Variants in FOCAD observed in about 807,000 individuals in gnomAD.
The protein encoded by FOCAD is KIAA1797.
In FOCAD, 198 loss-of-function variants were observed where a neutral mutation model predicts 225.6. The observed-to-expected ratio is 0.88, with a 90% CI of 0.78 to 0.99. The LOEUF is 0.99. FOCAD is among the 50% of genes least tolerant of loss of function. The pLI is 0.00. For missense variants in FOCAD, 2,713 were observed against 2,123.6 expected (o/e 1.28, Z -5.46); for synonymous variants, 897 against 755.0 (o/e 1.19, Z -3.08).
chr9:20,690,031 A>C (rs963223008), intron 1 of FOCAD, among the ~76,000 whole-genome samples: 22 of 152,126 alleles, frequency 1.4e-4, no homozygotes, highest in Non-Finnish European at 1.5e-5. Context: ...ATTCTTATCT[A>C]TTGGTAGGAT....
At chr9:20,695,093 C>A (rs1429146932) in intron 1 of FOCAD, among the ~76,000 whole-genome samples, 1 of 152,196 alleles carries the variant, frequency 6.6e-6, no homozygotes, top group East Asian at 1.9e-4. Flanking sequence ...ATCTATTGCT[C>A]TGCAAGTGGT....
chr9:20,760,444 C>T lies in FOCAD; in HGVS notation c.494+2253C>T, dbSNP rs1422869415. On this transcript the variant is annotated intron_variant, in intron 6 of 43. Transcript: ENST00000338382. ...TCTCACCAGCTTTATCTTTTCTTAT[C>T]TTCATCTCGCAGTTTATGCTTTAGC... is the stretch of plus-strand genomic sequence containing the variant. Among the ~76,000 whole-genome samples, 4 of 152,204 alleles carry T rather than the reference C, an allele frequency of 2.6e-5. No individual in the cohort carries two copies. The South Asian group carries it at 6.2e-4, about 24-fold the overall frequency.
chr9:20,787,227 T>C (rs1303125103), intron 10 of FOCAD, among the ~76,000 whole-genome samples: 1 of 152,220 alleles, frequency 6.6e-6, no homozygotes, highest in African/African-American at 2.4e-5. Flanking sequence ...TTGAGGTTCA[T>C]GGTAATTTCC....
At chr9:20,686,562 T>G (rs10964658) in intron 1 of FOCAD, among the ~76,000 whole-genome samples, 32,768 of 152,086 alleles carry the variant, frequency 0.22, 3,835 homozygotes, top group African/African-American at 0.31. Context: ...AAATAATAGT[T>G]TAAGGATTAT....
rs111241537 is a variant in FOCAD, at chr9:20,831,794, C to A, written c.1920+8679C>A. Among the ~76,000 whole-genome samples the A allele has an allele frequency of 7.0e-3, 1,067 of 152,124 alleles. 15 individuals carry two copies. The highest frequency in any genetic ancestry group is 0.024 in the African/African-American group (1,009 of 41,536). ...AGAGTTTTGAAAAGCTTACTAAAAT[C>A]AATTTTAGAACATTTTCATTACCTC... On this transcript the variant is annotated intron_variant, in intron 15 of 43. Transcript: ENST00000338382.
At chr9:20,688,187 A>G (rs1399257555) in intron 1 of FOCAD, among the ~76,000 whole-genome samples, 1 of 152,226 alleles carries the variant, frequency 6.6e-6, no homozygotes, top group Admixed American at 6.5e-5. Flanking sequence ...AAGTGGAAGA[A>G]AGTTAACATC....
At chr9:20,913,004 T>C (rs761882414) in intron 23 of FOCAD, 50 bp downstream of exon 23, 120 of 1,480,202 alleles carry the variant, frequency 8.1e-5, no homozygotes, top group Middle Eastern at 1.7e-4. Context: ...AAGTGAGCTA[T>C]GAGGGGAAAG....
At chr9:20,938,142 C>G (rs967617872) in intron 28 of FOCAD, among the ~76,000 whole-genome samples, 1 of 152,210 alleles carries the variant, frequency 6.6e-6, no homozygotes, top group African/African-American at 2.4e-5. Context: ...GGACCGTAAA[C>G]TAGTTCAACC....
At chr9:20,862,370 G>A (rs554529340) in intron 15 of FOCAD, among the ~76,000 whole-genome samples, 8 of 152,068 alleles carry the variant, frequency 5.3e-5, no homozygotes, top group Admixed American at 5.2e-4. Context: ...TAGTAAAAAA[G>A]CAATTGTGTG....
At chr9:20,890,042 A>G (rs1831482692) in intron 21 of FOCAD, among the ~76,000 whole-genome samples, 1 of 152,060 alleles carries the variant, frequency 6.6e-6, no homozygotes, top group Non-Finnish European at 1.5e-5. Context: ...GATTTTTTCT[A>G]TGACCTTACT....
chr9:20,757,710 A>C (rs1042949141), intron 5 of FOCAD, among the ~76,000 whole-genome samples: 2 of 152,182 alleles, frequency 1.3e-5, no homozygotes, highest in Non-Finnish European at 2.9e-5. Flanking sequence ...GAAAGAGAGC[A>C]GCGGTAGCAG....
At chr9:20,723,245 C>T (rs543210325) in intron 4 of FOCAD, among the ~76,000 whole-genome samples, 3 of 152,290 alleles carry the variant, frequency 2.0e-5, no homozygotes, top group Non-Finnish European at 4.4e-5. Flanking sequence ...CCCAATACTT[C>T]GGCAGGCCGA....
intron 24 of FOCAD, among the ~76,000 whole-genome samples, chr9:20,923,230 C>T (rs983780627): frequency 6.6e-6 from 1 of 152,076 alleles, no homozygotes; most frequent in African/African-American, 2.4e-5. Flanking sequence ...TTCAACATAC[C>T]GGTGCTTCAG....
In FOCAD at chr9:20,679,121, A is replaced by ATGTGTGTGTGTGTGTG. The variant is rs539231126; in HGVS notation, c.-77-15363_-77-15348dup. On this transcript the variant is annotated intron_variant, in intron 2 of 45. Coordinates refer to the FOCAD transcript ENST00000380249. Reference sequence around the variant, plus strand: ...CAAAGGGGCAACAGACAGTCTGTGTATGTGTGTGTGTGTGTGTGTGTGTGT... The same window carrying ATGTGTGTGTGTGTGTG: ...CAAAGGGGCAACAGACAGTCTGTGTATGTGTGTGTGTGTGTGTGTGTGTGTGTGTGTGTGTGTGTGT... 1.9e-4 allele frequency among the ~76,000 whole-genome samples: 23 copies of ATGTGTGTGTGTGTGTG among 122,038 alleles called. 1 individual carries two copies. Among genetic ancestry groups the ATGTGTGTGTGTGTGTG allele is most frequent in the South Asian group, 9.5e-4 (3 of 3,146 alleles). The allele number at this position is 122,038 out of a possible 152,430, so 80.1% of individuals were successfully genotyped here. A position where few individuals can be genotyped will look rare whatever the true frequency, so the allele number is the denominator to read the frequency against.
At chr9:20,738,447 C>T (rs1030230555) in intron 4 of FOCAD, among the ~76,000 whole-genome samples, 1 of 152,176 alleles carries the variant, frequency 6.6e-6, no homozygotes, top group Non-Finnish European at 1.5e-5. Flanking sequence ...CTTGATTTGA[C>T]ATCCATTGGA....
intron 35 of FOCAD, among the ~76,000 whole-genome samples, chr9:20,957,885 A>G (rs952053922): frequency 3.9e-5 from 6 of 151,930 alleles, no homozygotes; most frequent in Admixed American, 1.3e-4. Context: ...TCAGTAATGT[A>G]GTGAGCAGGA....
chr9:20,877,636 A>G (rs1830335093), intron 19 of FOCAD, among the ~76,000 whole-genome samples: 1 of 152,186 alleles, frequency 6.6e-6, no homozygotes. Context: ...CAGGTTTGTA[A>G]CTGCAGTCAC....
intron 15 of FOCAD, among the ~76,000 whole-genome samples, chr9:20,837,914 C>T (rs866301898): frequency 6.6e-6 from 1 of 151,974 alleles, no homozygotes; most frequent in Non-Finnish European, 1.5e-5. Context: ...TAGACTTAAC[C>T]TTGATTATAT....
intron 14 of FOCAD, 45 bp downstream of exon 14, chr9:20,821,116 T>G: frequency 6.4e-7 from 1 of 1,551,614 alleles, no homozygotes; most frequent in East Asian, 2.3e-5. Flanking sequence ...TGATATATTA[T>G]TTTGTATTTA....
Sources: gnomAD v4.1 joint callset for allele counts (sites outside exome capture counted in the v4.1 genomes callset) on GRCh38, gnomAD v4.1.1 for gene constraint, MANE v1.5 for transcripts, NCBI Gene and HGNC (gene_info 2026-07-23, HGNC 2026-07-21) for gene names.